The following ATP9B variants were observed in gnomAD, a reference collection of about 807,000 sequenced individuals.
ATP9B encodes the protein probable phospholipid-transporting ATPase IIB.
Under a neutral mutation model 146.1 loss-of-function variants are expected in ATP9B, and 110 were observed. The observed-to-expected ratio is 0.75, with a 90% confidence interval of 0.65 to 0.88. The LOEUF (loss-of-function observed/expected upper bound fraction) is 0.88. Ranked by LOEUF, ATP9B falls within the 40% of genes least tolerant of loss-of-function variation. The probability of loss-of-function intolerance (pLI) is 0.00; values close to 1 mark genes in which losing one functional copy is unlikely to be tolerated. For synonymous variants in ATP9B, 604 were observed against 569.7 expected (o/e 1.06, Z -0.86); for missense variants, 1,499 against 1,496.4 (o/e 1.00, Z -0.03).
intron 1 of ATP9B, among the ~76,000 whole-genome samples, 196 bp downstream of exon 1, chr18:79,069,725 C>T (rs1015293554): frequency 6.6e-6 from 1 of 152,222 alleles, no homozygotes; most frequent in African/African-American, 2.4e-5. Flanking sequence ...CGGGCAGCTG[C>T]CGGGGCGAGC....
intron 12 of ATP9B, among the ~76,000 whole-genome samples, chr18:79,261,881 C>T (rs1454544819): frequency 6.6e-6 from 1 of 152,162 alleles, no homozygotes; most frequent in Non-Finnish European, 1.5e-5. Context: ...TCCTGCTAAG[C>T]TCCCACTTTA....
Position 79,336,686 on chromosome 18 carries a change from CAGA to C in ATP9B, c.2088_2090del (p.Glu698del). 2 of 1,613,912 alleles carry C rather than the reference CAGA, an allele frequency of 1.2e-6. No homozygotes were observed. The highest frequency in any genetic ancestry group is 1.7e-6 in the Non-Finnish European group (2 of 1,179,964). ...CTCGTGGTTGCAAAGAAGGCGTTGA[CAGA>C]GGAGCAGTACCAGGACTTTGAGGTG... On this transcript the variant is annotated inframe_deletion, in exon 18 of 30. Transcript: ENST00000426216.
chr18:79,376,970 G>T (rs1376691478), intron 29 of ATP9B, among the ~76,000 whole-genome samples: 1 of 152,208 alleles, frequency 6.6e-6, no homozygotes, highest in Non-Finnish European at 1.5e-5. Context: ...AAAGTGCTGG[G>T]ATTATAGGCA....
At chr18:79,304,789 TC>T (rs1292999759) in intron 14 of ATP9B, among the ~76,000 whole-genome samples, 2 of 152,240 alleles carry the variant, frequency 1.3e-5, no homozygotes, top group African/African-American at 4.8e-5. Context: ...AGTCATTGAT[TC>T]AGTTTGATCA....
chr18:79,298,965 G>A lies in ATP9B; in HGVS notation c.1412-4639G>A, dbSNP rs1348962644. Reference sequence around the variant, plus strand: ...CAGTCAGCCTGAGCTGCTCTTCGAGGTCTTGGATCCGGAGCCTCCACATTC... The same window carrying A: ...CAGTCAGCCTGAGCTGCTCTTCGAGATCTTGGATCCGGAGCCTCCACATTC... On this transcript the variant is annotated intron_variant, in intron 13 of 29. Transcript: ENST00000426216. Among the ~76,000 whole-genome samples, 2 of 112,822 alleles carry A rather than the reference G, an allele frequency of 1.8e-5. 1 individual carries two copies. Among genetic ancestry groups the A allele is most frequent in the South Asian group, 5.0e-4 (2 of 3,978 alleles). The allele number at this position is 112,822 out of a possible 152,430, so 74.0% of individuals were successfully genotyped here.
At chr18:79,364,982 A>G (rs57844226) in intron 26 of ATP9B, among the ~76,000 whole-genome samples, 36,632 of 151,776 alleles carry the variant, frequency 0.24, 4,968 homozygotes, top group East Asian at 0.46. Flanking sequence ...GTGAGCTGTG[A>G]TTGAGCCACT....
chr18:79,092,953 A>T (rs1047311002), intron 1 of ATP9B, among the ~76,000 whole-genome samples: 19 of 152,210 alleles, frequency 1.2e-4, no homozygotes, highest in African/African-American at 4.6e-4. Context: ...TATGATTGTC[A>T]GGTATTAGGT....
At chr18:79,328,985 G>A (rs1399265670) in intron 15 of ATP9B, among the ~76,000 whole-genome samples, 156 bp from the exon 16 acceptor site, 3 of 152,186 alleles carry the variant, frequency 2.0e-5, no homozygotes, top group South Asian at 2.1e-4. Flanking sequence ...TTATTCAAAC[G>A]TATATACTTA....
At chr18:79,167,829 G>A (rs2094999161) in intron 7 of ATP9B, among the ~76,000 whole-genome samples, 2 of 152,206 alleles carry the variant, frequency 1.3e-5, no homozygotes, top group South Asian at 4.1e-4. Flanking sequence ...GGGTTTCACA[G>A]GGGACCTGCC....
At chr18:79,080,829 A>G (rs1406363821) in intron 1 of ATP9B, among the ~76,000 whole-genome samples, 1 of 152,234 alleles carries the variant, frequency 6.6e-6, no homozygotes, top group Non-Finnish European at 1.5e-5. Flanking sequence ...TTTCAGCATG[A>G]AGGGGTTTTG....
intron 9 of ATP9B, among the ~76,000 whole-genome samples, chr18:79,195,337 TC>T (rs1235704229): frequency 1.3e-5 from 2 of 152,140 alleles, no homozygotes; most frequent in Non-Finnish European, 2.9e-5. Flanking sequence ...AACCTCAAAC[TC>T]CTAGGCTCAC....
chr18:79,183,259 T>G (rs974597426), intron 8 of ATP9B, among the ~76,000 whole-genome samples: 9 of 152,190 alleles, frequency 5.9e-5, no homozygotes, highest in Non-Finnish European at 1.3e-4. Flanking sequence ...AAAGATATCA[T>G]TTTGAAATTC....
chr18:79,148,524 A>G (rs1039194833), intron 6 of ATP9B, among the ~76,000 whole-genome samples: 3 of 152,228 alleles, frequency 2.0e-5, no homozygotes, highest in African/African-American at 7.2e-5. Flanking sequence ...CAGGAAGACC[A>G]TTTGACTTAA....
At chr18:79,224,972 A>G (rs997277303) in intron 11 of ATP9B, among the ~76,000 whole-genome samples, 2 of 150,820 alleles carry the variant, frequency 1.3e-5, no homozygotes, top group African/African-American at 5.0e-5. Flanking sequence ...CCACAGTAAC[A>G]CAAGCACTGC....
chr18:79,195,032 G>A (rs75204214), intron 9 of ATP9B, among the ~76,000 whole-genome samples: 4,063 of 152,204 alleles, frequency 0.027, 198 homozygotes, highest in African/African-American at 0.092. Context: ...GCTCTAGGAG[G>A]CTTGGTTAGG....
chr18:79,275,043 A>G (rs1052570497), intron 12 of ATP9B, among the ~76,000 whole-genome samples: 1 of 152,220 alleles, frequency 6.6e-6, no homozygotes, highest in African/African-American at 2.4e-5. Flanking sequence ...TAACAGCAGA[A>G]ACCCATTTGC....
At chr18:79,171,648 G>C (rs1035395377) in intron 7 of ATP9B, among the ~76,000 whole-genome samples, 1 of 152,180 alleles carries the variant, frequency 6.6e-6, no homozygotes, top group Middle Eastern at 3.4e-3. Context: ...GCGTAAGGCT[G>C]TGTTATTTCA....
chr18:79,314,180 C>T (rs2096667369), intron 15 of ATP9B, among the ~76,000 whole-genome samples: 1 of 152,196 alleles, frequency 6.6e-6, no homozygotes. Flanking sequence ...TAATAAGCAA[C>T]ATTATCATTT....
At position 79,257,398 on chromosome 18, in the gene ATP9B, G is replaced by A. The variant is rs115078093; in HGVS notation, c.1268+3857G>A. 6.4e-3 allele frequency among the ~76,000 whole-genome samples: 981 copies of A among 152,342 alleles called. 4 individuals carry two copies. Among genetic ancestry groups the A allele is most frequent in the African/African-American group, 0.022 (916 of 41,568 alleles). On this transcript the variant is annotated intron_variant, in intron 12 of 29. Transcript: ENST00000426216. ...GGCCCCTGCTGACACAGAGCAAATGGGCAGGCCATCCAGTGCCCTTGGCCT... is the reference window on the plus strand; with the variant it reads ...GGCCCCTGCTGACACAGAGCAAATGAGCAGGCCATCCAGTGCCCTTGGCCT...
Sources: gnomAD v4.1 joint callset for allele counts (sites outside exome capture counted in the v4.1 genomes callset) on GRCh38, gnomAD v4.1.1 for gene constraint, MANE v1.5 for transcripts, NCBI Gene and HGNC (gene_info 2026-07-23, HGNC 2026-07-21) for gene names.